The following CASP4 variants were observed in gnomAD, a reference collection of about 807,000 sequenced individuals.
The protein encoded by CASP4 is caspase 4.
Under a neutral mutation model 41.3 loss-of-function variants are expected in CASP4, and 29 were observed. That is an observed-to-expected ratio of 0.70 (90% CI 0.52 to 0.96). CASP4 has a LOEUF of 0.96. CASP4 is among the 40% of genes least tolerant of loss of function. CASP4 has a pLI of 0.00. For synonymous variants in CASP4, 185 were observed against 158.4 expected, an observed-to-expected ratio of 1.17 and a Z score of -1.26; for missense variants, 447 against 460.6, an observed-to-expected ratio of 0.97 and a Z score of 0.27.
At chr11:104,949,462 G>C in intron 5 of CASP4, 81 bp downstream of exon 5, 1 of 1,412,646 alleles carries the variant, frequency 7.1e-7, no homozygotes, top group Non-Finnish European at 1.0e-6. Context: ...GTTTAAGAAT[G>C]TTGCCCCTAA....
chr11:104,961,642 C>T (rs982452340), intron 1 of CASP4, among the ~76,000 whole-genome samples: 2 of 152,106 alleles, frequency 1.3e-5, no homozygotes, highest in Admixed American at 1.3e-4. Flanking sequence ...TCAATCAGGA[C>T]AATTTTGAGA....
In CASP4 at chr11:104,952,053, C is replaced by T. The variant is rs1204442084; in HGVS notation, c.263-48G>A. 2.2e-5 allele frequency: 24 copies of T among 1,100,474 alleles called. No individual in the cohort carries two copies. The East Asian group carries it at 5.7e-4, about 26-fold the overall frequency. The allele number at this position is 1,100,474 out of a possible 1,614,324, so 68.2% of individuals were successfully genotyped here. ...AATTGTGATTTCTGCCTCTGTGACC[C>T]AATTTATCACCTAAGAAGATCGAGA... On this transcript the variant is annotated intron_variant, in intron 2 of 8. Transcript: ENST00000444739.
intron 1 of CASP4, among the ~76,000 whole-genome samples, chr11:104,964,531 T>G (rs1860931486): frequency 6.6e-6 from 1 of 152,230 alleles, no homozygotes; most frequent in Admixed American, 6.5e-5. Context: ...AATAAAAATC[T>G]GTTTTCTTTT....
At chr11:104,949,308 T>C (rs1860545688) in intron 5 of CASP4, 1 of 543,328 alleles carries the variant, frequency 1.8e-6, no homozygotes, top group South Asian at 2.6e-5. Flanking sequence ...GATTTAGGGA[T>C]TCTGATGATC....
chr11:104,946,976 T>C, intron 7 of CASP4, 107 bp downstream of exon 7: 5 of 752,236 alleles, frequency 6.6e-6, no homozygotes, highest in Non-Finnish European at 1.2e-5. Flanking sequence ...ACTGGGTACC[T>C]CTCTACTTTC....
At chr11:104,943,974 A>C (rs1860387518) in intron 8 of CASP4, 1 of 152,228 alleles carries the variant, frequency 6.6e-6, no homozygotes, top group Non-Finnish European at 1.5e-5. Context: ...TAAAGCTATT[A>C]TGAGTGAAGA....
intron 1 of CASP4, among the ~76,000 whole-genome samples, chr11:104,964,624 GACT>G (rs1375540136): frequency 6.6e-6 from 1 of 152,182 alleles, no homozygotes; most frequent in Non-Finnish European, 1.5e-5. Context: ...AATCGAAGTT[GACT>G]TACAGAGCCA....
At chr11:104,959,755 G>A (rs1168357534) in intron 1 of CASP4, among the ~76,000 whole-genome samples, 1 of 152,096 alleles carries the variant, frequency 6.6e-6, no homozygotes, top group East Asian at 1.9e-4. Flanking sequence ...GCAATACCTG[G>A]TGATATTCAA....
chr11:104,951,221 AG>A, intron 3 of CASP4, 123 bp from the exon 4 acceptor site: 2 of 745,296 alleles, frequency 2.7e-6, no homozygotes, highest in Non-Finnish European at 4.3e-6. Context: ...TTGTATCAAA[AG>A]ACACTGACTT....
chr11:104,958,825 G>T (rs1344444446), intron 1 of CASP4, among the ~76,000 whole-genome samples: 5 of 151,866 alleles, frequency 3.3e-5, no homozygotes, highest in African/African-American at 1.2e-4. Context: ...GCCGAGCGTG[G>T]TGGTGGGCGC....
At chr11:104,949,817 C>A (rs777350742) in intron 4 of CASP4, 40 bp from the exon 5 acceptor site, 1 of 1,591,452 alleles carries the variant, frequency 6.3e-7, no homozygotes, top group Admixed American at 1.7e-5. Context: ...AGAGAAGCAT[C>A]ACAATTAAAG....
chr11:104,968,474 T>G (rs764267939), intron 1 of CASP4, 45 bp downstream of exon 1: 1 of 1,567,130 alleles, frequency 6.4e-7, no homozygotes, highest in South Asian at 1.1e-5. Flanking sequence ...AATCAAGTGT[T>G]TTCTAAGTTC....
intron 7 of CASP4, among the ~76,000 whole-genome samples, chr11:104,945,309 A>G (rs7110073): frequency 0.023 from 3,394 of 149,544 alleles, 145 homozygotes; most frequent in African/African-American, 0.079. Flanking sequence ...CTGGAGTGCA[A>G]TGGTGCAACC....
chr11:104,967,825 T>C (rs1337370278), intron 1 of CASP4, among the ~76,000 whole-genome samples: 1 of 152,050 alleles, frequency 6.6e-6, no homozygotes, highest in Non-Finnish European at 1.5e-5. Context: ...CAAAGAAGCG[T>C]TATGACCTGC....
chr11:104,955,426 A>G (rs1296701273), intron 1 of CASP4, among the ~76,000 whole-genome samples: 1 of 152,048 alleles, frequency 6.6e-6, no homozygotes, highest in Non-Finnish European at 1.5e-5. Context: ...TACTTCCTAT[A>G]TGATTTTTAC....
chr11:104,951,561 C>G (rs547813830), intron 3 of CASP4: 78 of 344,000 alleles, frequency 2.3e-4, no homozygotes, highest in Non-Finnish European at 3.9e-4. Flanking sequence ...AAGTAGAGTG[C>G]AACCAATTAC....
At position 104,948,544 on chromosome 11, in the gene CASP4, G is replaced by C. The variant is rs1168444730; in HGVS notation, c.914C>G (p.Ser305Cys). 1.9e-6 allele frequency: 3 copies of C among 1,604,544 alleles called. No homozygotes were observed. Residue 305 changes from serine to cysteine, a missense_variant, in exon 6 of 9, where the codon TCT (serine) becomes TGT (cysteine). Transcript: ENST00000444739. ...TGAAAGATACATACGTGGCGTTGAA[G>C]AGCAGAAAGCAATGAAGTCCTTCTC... Reference protein sequence around the residue: ...HVEKDFIAFCSSTPHNVSWRD... With the variant: ...HVEKDFIAFCCSTPHNVSWRD...
chr11:104,964,873 T>G, intron 1 of CASP4, among the ~76,000 whole-genome samples: 1 of 152,080 alleles, frequency 6.6e-6, no homozygotes, highest in East Asian at 1.9e-4. Flanking sequence ...TGGAACAGAG[T>G]TCCATCAAAG....
intron 2 of CASP4, 31 bp from the exon 3 acceptor site, chr11:104,952,036 T>C (rs577185715): frequency 7.1e-7 from 1 of 1,400,708 alleles, no homozygotes; most frequent in Admixed American, 1.7e-5. Flanking sequence ...TAAATTGTGA[T>C]TTCTGCCTCT....
Sources: allele counts gnomAD v4.1 joint callset (sites outside exome capture counted in the v4.1 genomes callset), GRCh38; gene constraint gnomAD v4.1.1; transcripts MANE v1.5; gene names NCBI Gene and HGNC (gene_info 2026-07-23, HGNC 2026-07-21).